Variants in MIOS observed in about 807,000 individuals in gnomAD.
The protein encoded by MIOS is GATOR2 complex protein MIOS.
MIOS carries 52 observed loss-of-function variants against 96.9 expected under a neutral mutation model. The observed-to-expected ratio is 0.54, with a 90% CI of 0.43 to 0.68. The LOEUF is 0.68. Ranked by LOEUF, MIOS falls within the 30% of genes least tolerant of loss-of-function variation. The pLI, the probability that MIOS is intolerant of heterozygous loss-of-function variation, is 0.00. For synonymous variants in MIOS, 397 were observed against 359.5 expected (o/e 1.10, Z -1.18); for missense variants, 1,005 against 1,052.8 (o/e 0.95, Z 0.63).
At position 7,566,978 on chromosome 7, in the gene MIOS, C is replaced by T. The variant is rs1429917027; in HGVS notation, c.-315C>T. Reference sequence around the variant, plus strand: ...TGGTCCAGGTCACGGGCCGCACGGCCGCGGCCGCCATCTTGCCCGCGTCCG... The same window carrying T: ...TGGTCCAGGTCACGGGCCGCACGGCTGCGGCCGCCATCTTGCCCGCGTCCG... On this transcript the variant is annotated 5_prime_UTR_variant, in exon 1 of 13. Transcript: ENST00000340080. The T allele has an allele frequency of 6.6e-6, 1 of 152,090 alleles. No individual in the cohort carries two copies. Among genetic ancestry groups the T allele is most frequent in the Admixed American group, 6.6e-5 (1 of 15,266 alleles). 9.4% of individuals were successfully genotyped at this position (152,090 alleles called of 1,614,324 possible).
At chr7:7,571,220 A>G (rs1449383859) in intron 3 of MIOS, among the ~76,000 whole-genome samples, 1 of 152,218 alleles carries the variant, frequency 6.6e-6, no homozygotes, top group Non-Finnish European at 1.5e-5. Context: ...AGAAACAGGC[A>G]TTTAAATTTT....
intron 9 of MIOS, among the ~76,000 whole-genome samples, chr7:7,590,907 C>G (rs1784029667): frequency 1.3e-5 from 2 of 152,182 alleles, no homozygotes; most frequent in South Asian, 2.1e-4. Context: ...ACAAATGTCA[C>G]AACAGTGTGA....
chr7:7,576,926 C>T (rs1417727160), intron 5 of MIOS, among the ~76,000 whole-genome samples: 1 of 151,996 alleles, frequency 6.6e-6, no homozygotes, highest in Non-Finnish European at 1.5e-5. Flanking sequence ...GTTTGGGAAA[C>T]TAGTTAATTT....
chr7:7,574,476 T>A (rs895502595), intron 5 of MIOS, among the ~76,000 whole-genome samples: 9 of 152,148 alleles, frequency 5.9e-5, no homozygotes, highest in Non-Finnish European at 8.8e-5. Context: ...AAACCCACTT[T>A]GAGAGGTTTT....
At chr7:7,593,992 C>T (rs991290243) in intron 9 of MIOS, among the ~76,000 whole-genome samples, 1 of 151,152 alleles carries the variant, frequency 6.6e-6, no homozygotes, top group Non-Finnish European at 1.5e-5. Flanking sequence ...AAAATTATTA[C>T]TGGCAAGAAC....
In MIOS at chr7:7,580,638, A is replaced by G. The variant is rs140986573; in HGVS notation, c.1394-2480A>G. On this transcript the variant is annotated intron_variant, in intron 5 of 12. Coordinates refer to ENST00000340080, the MANE Select transcript of MIOS (RefSeq NM_019005.4). ...ATCAGATAATCACACAAGGTTTTTA[A>G]AAGTATGAATTAGGTATAAAAGAGA... Among the ~76,000 whole-genome samples, 1,031 of 152,188 alleles carry G rather than the reference A, an allele frequency of 6.8e-3. 8 individuals carry two copies. The highest frequency in any genetic ancestry group is 0.044 in the Middle Eastern group (13 of 294).
rs763799485 is a variant in MIOS, at chr7:7,595,135, A to G, written c.2196+3A>G. 3.2e-5 allele frequency: 51 copies of G among 1,605,866 alleles called. No homozygotes were observed. The highest frequency in any genetic ancestry group is 4.2e-5 in the Non-Finnish European group (49 of 1,177,814). On this transcript the variant is annotated splice_donor_region_variant and intron_variant, in intron 10 of 12. Coordinates refer to ENST00000340080, the MANE Select transcript of MIOS (RefSeq NM_019005.4). ...CCAGTTCCAAGCCTTTAGCACAAGT[A>G]AGTACATTGTTTTGGAGAAAATCAA...
At position 7,573,802 on chromosome 7, in the gene MIOS, A is replaced by G; in HGVS notation, c.1294+33A>G. Reference sequence around the variant, plus strand: ...TTTCATTGTGAATTTTGTGAGGTGAATCAGGTAGAAATGTTCTTGAAGTTT... The same window carrying G: ...TTTCATTGTGAATTTTGTGAGGTGAGTCAGGTAGAAATGTTCTTGAAGTTT... On this transcript the variant is annotated intron_variant, in intron 4 of 12. Transcript: ENST00000340080. The surrounding 1 kb of genome is among the most constrained non-coding windows in gnomAD (Gnocchi z 5.0). 6.5e-7 allele frequency: 1 copy of G among 1,531,088 alleles called. No homozygotes were observed. The highest frequency in any genetic ancestry group is 1.3e-5 in the South Asian group (1 of 77,098). 94.8% of individuals were successfully genotyped at this position (1,531,088 alleles called of 1,614,324 possible).
At chr7:7,576,431 G>C (rs28421361) in intron 5 of MIOS, among the ~76,000 whole-genome samples, 7,260 of 152,266 alleles carry the variant, frequency 0.048, 166 homozygotes, top group Middle Eastern at 0.078. Flanking sequence ...TTAATTACAG[G>C]AAGGACTCCT....
rs201081552 is a variant in MIOS, at chr7:7,595,113, G to T, written c.2177G>T (p.Ser726Ile). 136 of 1,612,838 alleles carry T rather than the reference G, an allele frequency of 8.4e-5. No homozygotes were observed. Among genetic ancestry groups the T allele is most frequent in the Non-Finnish European group, 2.1e-5 (25 of 1,179,702 alleles). ...ATTCACAGGAGTAAGTTGGATCCCAGTTCCAAGCCTTTAGCACAAGTAAGT... is the reference window on the plus strand; with the variant it reads ...ATTCACAGGAGTAAGTTGGATCCCATTTCCAAGCCTTTAGCACAAGTAAGT... ...FDIHRSKLDP[S>I]SKPLAQVFVS... is the part of the protein sequence containing the mutation. The change falls in exon 10 of 13, where the codon AGT becomes ATT. Residue 726 changes from serine to isoleucine, a missense_variant. Physicochemically the swap from Ser to Ile is moderately radical, Grantham distance 142. Around this residue, in one of 3 missense-constraint regions of MIOS, gnomAD observed 865 missense variants for 887.9 expected, o/e 0.97. Transcript: ENST00000340080.
intron 12 of MIOS, among the ~76,000 whole-genome samples, chr7:7,606,298 A>G (rs1414192984): frequency 3.9e-5 from 6 of 152,232 alleles, no homozygotes; most frequent in South Asian, 2.1e-4. Context: ...AATGTTTTGT[A>G]TGAGTTAAAT....
In MIOS at chr7:7,597,517, T is replaced by TATATATGTAAAA. The variant is rs372634070; in HGVS notation, c.2401+1056_2401+1057insATATATGTAAAA. On this transcript the variant is annotated intron_variant, in intron 11 of 12. Transcript: ENST00000340080. ...ATATATATATATATATATATATATA[T>TATATATGTAAAA]GAAGGCAATACGTAATGTTTTAAAT... Among the ~76,000 whole-genome samples, 2 of 70,428 alleles carry TATATATGTAAAA rather than the reference T, an allele frequency of 2.8e-5. 1 individual carries two copies. Among genetic ancestry groups the TATATATGTAAAA allele is most frequent in the Non-Finnish European group, 5.5e-5 (2 of 36,506 alleles). The allele number at this position is 70,428 out of a possible 152,430, so 46.2% of individuals were successfully genotyped here. A position where few individuals can be genotyped will look rare whatever the true frequency, so the allele number is the denominator to read the frequency against.
At chr7:7,593,210 C>G (rs1784099726) in intron 9 of MIOS, among the ~76,000 whole-genome samples, 1 of 152,172 alleles carries the variant, frequency 6.6e-6, no homozygotes, top group African/African-American at 2.4e-5. Flanking sequence ...GTACTTAGTT[C>G]TGCCTACTTG....
chr7:7,604,987 T>G (rs577081864), intron 11 of MIOS: 16 of 152,304 alleles, frequency 1.1e-4, no homozygotes, highest in African/African-American at 3.6e-4. Flanking sequence ...GTTTACATCT[T>G]TAATCATTGA....
intron 9 of MIOS, among the ~76,000 whole-genome samples, chr7:7,590,352 C>T (rs904827458): frequency 6.6e-6 from 1 of 152,168 alleles, no homozygotes; most frequent in African/African-American, 2.4e-5. Context: ...AAGTACCCTT[C>T]TATAACATTT....
chr7:7,581,699 AT>A (rs1783730400), intron 5 of MIOS: 1 of 152,206 alleles, frequency 6.6e-6, no homozygotes, highest in Admixed American at 6.5e-5. Context: ...CTTAGAGGCT[AT>A]TCACAGTTCC....
chr7:7,571,145 A>G (rs868042422), intron 3 of MIOS, among the ~76,000 whole-genome samples: 9 of 152,216 alleles, frequency 5.9e-5, no homozygotes, highest in South Asian at 2.1e-4. Context: ...ACAGATGCCA[A>G]TTGCAATGAA....
At chr7:7,589,864 G>A (rs532111046) in intron 9 of MIOS, among the ~76,000 whole-genome samples, 2 of 152,196 alleles carry the variant, frequency 1.3e-5, no homozygotes, top group South Asian at 2.1e-4. Flanking sequence ...TGACATAACT[G>A]CATCTTCTAC....
intron 6 of MIOS, among the ~76,000 whole-genome samples, chr7:7,584,267 T>A (rs1322864312): frequency 6.6e-6 from 1 of 152,032 alleles, no homozygotes; most frequent in Non-Finnish European, 1.5e-5. Context: ...TCTCCCTCAT[T>A]TAAGAGTGCA....
Sources: allele counts gnomAD v4.1 joint callset (sites outside exome capture counted in the v4.1 genomes callset), GRCh38; gene constraint gnomAD v4.1.1; regional missense constraint gnomAD v4.1.1; non-coding constraint Gnocchi (gnomAD v3.1); transcripts MANE v1.5; gene names NCBI Gene and HGNC (gene_info 2026-07-23, HGNC 2026-07-21).